Variants in PIK3R5 observed in about 807,000 individuals in gnomAD.
PIK3R5 encodes phosphoinositide-3-kinase regulatory subunit 5.
Under a neutral mutation model 94.9 loss-of-function variants are expected in PIK3R5, and 32 were observed. That is an observed-to-expected ratio of 0.34 (90% CI 0.25 to 0.45). PIK3R5 has a LOEUF of 0.45. PIK3R5 is among the 20% of genes least tolerant of loss of function. The pLI is 1.00. For synonymous variants in PIK3R5, 443 were observed against 479.4 expected (o/e 0.92, Z 0.99); for missense variants, 853 against 1,144.6 (o/e 0.75, Z 3.68).
rs1282096676 is a variant in PIK3R5 at position 8,886,216 on chromosome 17, A to G, written c.2128+13T>C. Reference sequence around the variant, plus strand: ...CCCGCCTCACCGTCTGTCTCTGCTCAGGCAGTACCCACCTGACGCCTTGAT... The same window carrying G: ...CCCGCCTCACCGTCTGTCTCTGCTCGGGCAGTACCCACCTGACGCCTTGAT... On this transcript the variant is annotated intron_variant, in intron 14 of 18. Transcript: ENST00000447110. 8 of 1,602,406 alleles carry G rather than the reference A, an allele frequency of 5.0e-6. No individual in the cohort carries two copies. The highest frequency in any genetic ancestry group is 1.1e-5 in the South Asian group (1 of 90,854).
intron 1 of PIK3R5, among the ~76,000 whole-genome samples, chr17:8,915,240 T>C (rs947688195): frequency 6.6e-6 from 1 of 151,858 alleles, no homozygotes; most frequent in Non-Finnish European, 1.5e-5. Context: ...CTGGCCAACA[T>C]GGGGAAACCC....
intron 1 of PIK3R5, among the ~76,000 whole-genome samples, chr17:8,921,695 T>G (rs1269639036): frequency 6.6e-6 from 1 of 152,044 alleles, no homozygotes; most frequent in Non-Finnish European, 1.5e-5. Context: ...ATAAAGAAAA[T>G]GTTTGAGGGA....
chr17:8,887,138 A>G lies in PIK3R5; in HGVS notation c.1863T>C (p.Asn621=), dbSNP rs1354908099. The G allele has an allele frequency of 1.2e-6, 2 of 1,613,838 alleles. No individual in the cohort carries two copies. Among genetic ancestry groups the G allele is most frequent in the Non-Finnish European group, 1.7e-6 (2 of 1,179,986 alleles). ...LGMLDPWYER[N]VLGLMHLPPE... is the part of the protein sequence containing the mutation. ...GGGGCAGGTGCATGAGGCCCAGTAC[A>G]TTGCGCTCATACCAGGGGTCCAGCA... The change falls in exon 12 of 19, where the codon AAT becomes AAC. Residue 621 remains asparagine, a synonymous_variant. Transcript: ENST00000447110.
intron 5 of PIK3R5, among the ~76,000 whole-genome samples, chr17:8,900,721 T>C (rs962667336): frequency 6.6e-5 from 10 of 152,338 alleles, no homozygotes; most frequent in Non-Finnish European, 1.5e-4. Flanking sequence ...GCTTCACATG[T>C]TATCATTCCA....
chr17:8,898,025 T>C (rs1324878307), intron 5 of PIK3R5, among the ~76,000 whole-genome samples: 1 of 152,206 alleles, frequency 6.6e-6, no homozygotes, highest in Admixed American at 6.5e-5. Flanking sequence ...CTTTCTGCTA[T>C]AGGCAGCCAG....
At position 8,879,871 on chromosome 17, in the gene PIK3R5, G is replaced by A. The variant is rs1312737537; in HGVS notation, c.*768C>T. On this transcript the variant is annotated 3_prime_UTR_variant, in exon 19 of 19. Transcript: ENST00000447110. The surrounding 1 kb of genome is among the most constrained non-coding windows in gnomAD (Gnocchi z 4.4). The stretch of plus-strand genomic sequence containing the variant: ...CAACTCTCCACTCCATTTTAGTGCT[G>A]GAGAAATGAAGGCTTAAAGTTAATT... 6.6e-6 allele frequency: 1 copy of A among 152,174 alleles called. No homozygotes were observed. Among genetic ancestry groups the A allele is most frequent in the East Asian group, 1.9e-4 (1 of 5,196 alleles). The allele number at this position is 152,174 out of a possible 1,614,324, so 9.4% of individuals were successfully genotyped here. A position where few individuals can be genotyped will look rare whatever the true frequency, so the allele number is the denominator to read the frequency against.
At chr17:8,901,968 G>T (rs2090293102) in intron 5 of PIK3R5, among the ~76,000 whole-genome samples, 1 of 152,108 alleles carries the variant, frequency 6.6e-6, no homozygotes, top group African/African-American at 2.4e-5. Context: ...TGGAATTGCT[G>T]GGTGAAAGGG....
chr17:8,940,981 C>A (rs1455773434), intron 1 of PIK3R5, among the ~76,000 whole-genome samples: 2 of 152,172 alleles, frequency 1.3e-5, no homozygotes, highest in African/African-American at 4.8e-5. Context: ...CCTCTCTCAG[C>A]CTCAGTGTTC....
At chr17:8,905,371 C>T (rs1249256549) in intron 4 of PIK3R5, among the ~76,000 whole-genome samples, 1 of 77,250 alleles carries the variant, frequency 1.3e-5, no homozygotes, top group Non-Finnish European at 2.6e-5. Context: ...AAACCGACTA[C>T]TGGGGTGAAA....
In PIK3R5 at chr17:8,890,497, A is replaced by G. The variant is rs548819845; in HGVS notation, c.657+241T>C. The stretch of plus-strand genomic sequence containing the variant: ...CATTCTCGTTCTTATGGCATATGCC[A>G]TCTTCTGAGGCACCAGTTATCAGCA... On this transcript the variant is annotated intron_variant, in intron 7 of 18. Transcript: ENST00000447110. The surrounding 1 kb of genome is among the most constrained non-coding windows in gnomAD (Gnocchi z 6.1). Among the ~76,000 whole-genome samples, 3 of 152,314 alleles carry G rather than the reference A, an allele frequency of 2.0e-5. No individual in the cohort carries two copies. Among genetic ancestry groups the G allele is most frequent in the Admixed American group, 6.5e-5 (1 of 15,308 alleles).
Position 8,889,980 on chromosome 17 carries a change from C to G in PIK3R5, c.804G>C (p.Gly268=). 6 of 1,613,788 alleles carry G rather than the reference C, an allele frequency of 3.7e-6. No individual in the cohort carries two copies. The highest frequency in any genetic ancestry group is 5.1e-6 in the Non-Finnish European group (6 of 1,179,960). ...TTCTCCCAAGAGCCTCACCTAACACCCCAGGGAAGCCAGCTTTTTCTCCCA... is the reference window on the plus strand; with the variant it reads ...TTCTCCCAAGAGCCTCACCTAACACGCCAGGGAAGCCAGCTTTTTCTCCCA... ...QAVGEKAGFP[G]VLDTAKPGKL... The change falls in exon 8 of 19, where the codon GGG becomes GGC. Residue 268 remains glycine (G), a synonymous_variant. Transcript: ENST00000447110. This position sits in a 1 kb window ranked among gnomAD's most constrained non-coding sequence, Gnocchi z 4.1.
At chr17:8,964,439 C>T (rs2091628289) in intron 1 of PIK3R5, among the ~76,000 whole-genome samples, 1 of 152,066 alleles carries the variant, frequency 6.6e-6, no homozygotes, top group Non-Finnish European at 1.5e-5. Flanking sequence ...GTCAGTATGA[C>T]AGCCCATTTT....
intron 1 of PIK3R5, among the ~76,000 whole-genome samples, chr17:8,941,542 T>C (rs1217600046): frequency 2.0e-5 from 3 of 152,262 alleles, no homozygotes; most frequent in African/African-American, 7.2e-5. Context: ...ATGTTTCCTG[T>C]TTTTCTAACA....
At chr17:8,917,639 G>A (rs1188081889) in intron 1 of PIK3R5, among the ~76,000 whole-genome samples, 1 of 152,232 alleles carries the variant, frequency 6.6e-6, no homozygotes, top group Non-Finnish European at 1.5e-5. Context: ...GCCAACGCGG[G>A]TGGATCACCT....
chr17:8,927,485 G>T (rs1430783236), intron 1 of PIK3R5, among the ~76,000 whole-genome samples: 1 of 152,146 alleles, frequency 6.6e-6, no homozygotes, highest in Non-Finnish European at 1.5e-5. Flanking sequence ...GGACACCAGT[G>T]AGGAGCCTGG....
At chr17:8,886,446 G>A in intron 13 of PIK3R5, 31 bp downstream of exon 13, 1 of 1,598,560 alleles carries the variant, frequency 6.3e-7, no homozygotes, top group Non-Finnish European at 8.5e-7. Flanking sequence ...GGCAGGTGGG[G>A]AAGAGGCGGT....
At position 8,909,522 on chromosome 17, in the gene PIK3R5, C is replaced by T. The variant is rs917343021; in HGVS notation, c.104-348G>A. Among the ~76,000 whole-genome samples the T allele has an allele frequency of 9.8e-5, 15 of 152,308 alleles. No individual in the cohort carries two copies. The highest frequency in any genetic ancestry group is 4.1e-4 in the South Asian group (2 of 4,830). On this transcript the variant is annotated intron_variant, in intron 2 of 18. Coordinates refer to ENST00000447110, the MANE Select transcript of PIK3R5 (RefSeq NM_001142633.3). This position sits in a 1 kb window ranked among gnomAD's most constrained non-coding sequence, Gnocchi z 4.3. ...CAAGATGGTCTCGATCTCCTGACCT[C>T]GTGATCCGCCCGCCTCGGACTCCCA...
At position 8,942,963 on chromosome 17, in the gene PIK3R5, T is replaced by TACACACACACACACACAC. The variant is rs112851950; in HGVS notation, c.-14+22615_-14+22632dup. Among the ~76,000 whole-genome samples the TACACACACACACACACAC allele has an allele frequency of 8.7e-3, 1,301 of 149,156 alleles. 19 individuals carry two copies. The highest frequency in any genetic ancestry group is 0.025 in the African/African-American group (1,005 of 40,360). On this transcript the variant is annotated intron_variant, in intron 1 of 18. Coordinates refer to ENST00000447110, the MANE Select transcript of PIK3R5 (RefSeq NM_001142633.3). ...CAGCTGGACAAAGCAGATCACGTCA[T>TACACACACACACACACAC]ACACACACACACACACACACACACA...
At position 8,888,401 on chromosome 17, in the gene PIK3R5, G is replaced by C; in HGVS notation, c.1386C>G (p.Pro462=). 2 of 1,590,478 alleles carry C rather than the reference G, an allele frequency of 1.3e-6. No homozygotes were observed. Among genetic ancestry groups the C allele is most frequent in the Non-Finnish European group, 1.7e-6 (2 of 1,171,504 alleles). ...PLRRAGSLCS[P]LDEPVSPPSR... ...AAGGGGGTGATACTGGTTCGTCCAG[G>C]GGGCTGCAGAGGCTCCCTGCCCGCC... Residue 462 remains proline (P), a synonymous_variant, in exon 10 of 19, where the codon CCC becomes CCG. Coordinates refer to ENST00000447110, the MANE Select transcript of PIK3R5 (RefSeq NM_001142633.3). The surrounding 1 kb of genome is among the most constrained non-coding windows in gnomAD (Gnocchi z 7.8).
Sources: gnomAD v4.1 joint callset for allele counts (sites outside exome capture counted in the v4.1 genomes callset) on GRCh38, gnomAD v4.1.1 for gene constraint, Gnocchi (gnomAD v3.1) non-coding constraint, MANE v1.5 for transcripts, NCBI Gene and HGNC (gene_info 2026-07-23, HGNC 2026-07-21) for gene names.